Variants in EHBP1 observed in about 807,000 individuals in gnomAD.
The protein encoded by EHBP1 is EH domain binding protein 1.
EHBP1 carries 55 observed loss-of-function variants against 144.0 expected under a neutral mutation model. The observed-to-expected ratio is 0.38, with a 90% confidence interval of 0.31 to 0.48. The LOEUF (loss-of-function observed/expected upper bound fraction) is 0.48, where lower values mean the gene tolerates loss of function less well. Ranked by LOEUF, EHBP1 falls within the 20% of genes least tolerant of loss-of-function variation. The pLI is 0.98. For missense variants in EHBP1, 1,200 were observed against 1,364.2 expected, an observed-to-expected ratio of 0.88 and a Z score of 1.90; for synonymous variants, 469 against 472.7, an observed-to-expected ratio of 0.99 and a Z score of 0.10.
chr2:62,702,798 T>C (rs1558517268), upstream of EHBP1, among the ~76,000 whole-genome samples: 1 of 152,228 alleles, frequency 6.6e-6, no homozygotes, highest in Non-Finnish European at 1.5e-5. Flanking sequence ...CACAATAGCA[T>C]ATGCTACTAG....
intron 2 of EHBP1, among the ~76,000 whole-genome samples, chr2:62,744,136 C>T (rs2038949063): frequency 6.6e-6 from 1 of 152,074 alleles, no homozygotes; most frequent in African/African-American, 2.4e-5. Context: ...ACTGTGCATA[C>T]ATTTTATGTG....
At chr2:62,927,365 T>C (rs1030422088) in intron 10 of EHBP1, among the ~76,000 whole-genome samples, 3 of 152,106 alleles carry the variant, frequency 2.0e-5, no homozygotes, top group African/African-American at 7.2e-5. Flanking sequence ...TATTGAATGT[T>C]CCCAGCACAA....
chr2:62,870,092 GA>G (rs1474317733), intron 9 of EHBP1, among the ~76,000 whole-genome samples: 2 of 152,076 alleles, frequency 1.3e-5, no homozygotes, highest in Non-Finnish European at 2.9e-5. Flanking sequence ...AGGTTGAAAG[GA>G]AAATATTTCA....
intron 1 of EHBP1, among the ~76,000 whole-genome samples, chr2:62,695,388 G>A (rs186655936): frequency 6.6e-6 from 1 of 152,084 alleles, no homozygotes; most frequent in East Asian, 1.9e-4. Flanking sequence ...GTCAATGAAA[G>A]GTCAATGAAA....
Position 62,689,409 on chromosome 2 carries a change from G to A in EHBP1, c.-296+15326G>A, listed in dbSNP as rs150766160. ...TGTAATTCCAGCACTTTGGGAGGCC[G>A]AAGTGGGCAGATCGCTTGAGGCCAG... On this transcript the variant is annotated intron_variant, in intron 1 of 22. Transcript: ENST00000405015. 7.5e-3 allele frequency among the ~76,000 whole-genome samples: 1,143 copies of A among 152,330 alleles called. 12 individuals carry two copies. Among genetic ancestry groups the A allele is most frequent in the African/African-American group, 0.026 (1,070 of 41,576 alleles).
intron 2 of EHBP1, among the ~76,000 whole-genome samples, chr2:62,723,300 A>G (rs360798): frequency 0.15 from 23,063 of 151,840 alleles, 2,106 homozygotes; most frequent in Middle Eastern, 0.24. Flanking sequence ...TAGGATTGCA[A>G]CTTTTGATTT....
intron 19 of EHBP1, among the ~76,000 whole-genome samples, chr2:63,005,850 A>G (rs1200983891): frequency 1.3e-5 from 2 of 152,034 alleles, no homozygotes; most frequent in South Asian, 2.1e-4. Flanking sequence ...CAAACCATCT[A>G]TGGTCCCTGC....
chr2:63,003,618 A>G (rs1574434522), intron 19 of EHBP1, among the ~76,000 whole-genome samples: 1 of 152,224 alleles, frequency 6.6e-6, no homozygotes, highest in Admixed American at 6.5e-5. Context: ...ATTAATATGT[A>G]ATCAGGAAAT....
intron 7 of EHBP1, among the ~76,000 whole-genome samples, chr2:62,835,806 C>G (rs1276851876): frequency 2.0e-5 from 3 of 152,176 alleles, no homozygotes; most frequent in Admixed American, 1.3e-4. Context: ...CGGCGCACCA[C>G]GAGACTATAT....
At chr2:62,700,197 A>C (rs952929588) in intron 1 of EHBP1, among the ~76,000 whole-genome samples, 17 of 152,210 alleles carry the variant, frequency 1.1e-4, no homozygotes, top group Admixed American at 9.8e-4. Context: ...TTTTAAGAGA[A>C]TAAACATAGG....
At chr2:62,845,213 C>T (rs1401943747) in intron 7 of EHBP1, among the ~76,000 whole-genome samples, 1 of 151,882 alleles carries the variant, frequency 6.6e-6, no homozygotes, top group African/African-American at 2.4e-5. Context: ...TCTCTACATT[C>T]AAAGAAGCTA....
At chr2:62,899,963 T>C (rs2053260268) in intron 10 of EHBP1, among the ~76,000 whole-genome samples, 1 of 152,246 alleles carries the variant, frequency 6.6e-6, no homozygotes, top group Non-Finnish European at 1.5e-5. Flanking sequence ...GGTTAGACCA[T>C]TCATTGTATC....
intron 19 of EHBP1, among the ~76,000 whole-genome samples, chr2:62,997,259 C>A (rs2059670241): frequency 6.6e-6 from 1 of 151,752 alleles, no homozygotes; most frequent in Non-Finnish European, 1.5e-5. Flanking sequence ...GTCTGTAATA[C>A]TTTGTGTCAC....
In EHBP1 at chr2:62,826,056, T is replaced by C. The variant is rs752795584; in HGVS notation, c.313-31T>C. ...TGTTTGGCTATAAAATAACTCAAAA[T>C]TACATACTTTTTTTTTCTTTAATCT... On this transcript the variant is annotated intron_variant, in intron 5 of 22. Transcript: ENST00000431489. The C allele has an allele frequency of 7.7e-6, 11 of 1,424,876 alleles. No individual in the cohort carries two copies. The South Asian group carries it at 1.7e-4, about 22-fold the overall frequency. The allele number at this position is 1,424,876 out of a possible 1,614,324, so 88.3% of individuals were successfully genotyped here.
At chr2:62,694,549 A>G (rs2034016629) in intron 1 of EHBP1, among the ~76,000 whole-genome samples, 1 of 152,114 alleles carries the variant, frequency 6.6e-6, no homozygotes, top group African/African-American at 2.4e-5. Context: ...ATAATAATGG[A>G]AACAACTGTG....
rs2061909314 is a variant in EHBP1, at chr2:63,045,291, G to A, written c.3392+111G>A. On this transcript the variant is annotated intron_variant, in intron 22 of 22. Coordinates refer to ENST00000431489, the MANE Select transcript of EHBP1 (RefSeq NM_001142616.3). This position sits in a 1 kb window ranked among gnomAD's most constrained non-coding sequence, Gnocchi z 5.7. ...GGAGGGCCGGGGCAGCCTCCCACTGGCCTGGTGCTCCCCATTCCCGCTGGG... is the reference window on the plus strand; with the variant it reads ...GGAGGGCCGGGGCAGCCTCCCACTGACCTGGTGCTCCCCATTCCCGCTGGG... 5 of 1,363,000 alleles carry A rather than the reference G, an allele frequency of 3.7e-6. No homozygotes were observed. The highest frequency in any genetic ancestry group is 5.1e-6 in the Non-Finnish European group (5 of 975,050). The allele number at this position is 1,363,000 out of a possible 1,614,324, so 84.4% of individuals were successfully genotyped here.
At chr2:62,809,103 C>A (rs2044739659) in intron 5 of EHBP1, among the ~76,000 whole-genome samples, 1 of 151,958 alleles carries the variant, frequency 6.6e-6, no homozygotes, top group Non-Finnish European at 1.5e-5. Context: ...GCAGCCTGAC[C>A]AGCATGGTGA....
chr2:62,741,265 A>C (rs2038683410), intron 2 of EHBP1, among the ~76,000 whole-genome samples: 1 of 152,116 alleles, frequency 6.6e-6, no homozygotes, highest in Admixed American at 6.6e-5. Context: ...TAATGCCAGC[A>C]TGGTGGTGGT....
chr2:62,870,735 AT>A (rs1389584031), intron 9 of EHBP1, among the ~76,000 whole-genome samples: 48 of 140,572 alleles, frequency 3.4e-4, no homozygotes, highest in African/African-American at 1.2e-3. Flanking sequence ...AAAAAAAAAA[AT>A]ACATATATAT....
Sources: allele counts gnomAD v4.1 joint callset (sites outside exome capture counted in the v4.1 genomes callset), GRCh38; gene constraint gnomAD v4.1.1; non-coding constraint Gnocchi (gnomAD v3.1); transcripts MANE v1.5; gene names NCBI Gene and HGNC (gene_info 2026-07-23, HGNC 2026-07-21).